Variants in KCNIP4 observed in about 807,000 individuals in gnomAD.
The protein encoded by KCNIP4 is Kv channel-interacting protein 4.
KCNIP4 carries 12 observed loss-of-function variants against 34.0 expected under a neutral mutation model. The observed-to-expected ratio is 0.35, with a 90% CI of 0.23 to 0.57. KCNIP4 has a LOEUF of 0.57. Among genes scored for constraint, KCNIP4 ranks in the 20% least tolerant of loss-of-function variants. The pLI, the probability that KCNIP4 is intolerant of heterozygous loss-of-function variation, is 0.83. For missense variants in KCNIP4, 238 were observed against 311.7 expected, an observed-to-expected ratio of 0.76 and a Z score of 1.78; for synonymous variants, 124 against 102.2, an observed-to-expected ratio of 1.21 and a Z score of -1.29.
At chr4:21,254,305 T>A (rs4324534) in intron 1 of KCNIP4, among the ~76,000 whole-genome samples, 42,240 of 152,028 alleles carry the variant, frequency 0.28, 10,317 homozygotes, top group African/African-American at 0.66. Context: ...ATGCATTGCC[T>A]TCAATCACCA....
chr4:21,352,399 T>C (rs1013838478), intron 1 of KCNIP4, among the ~76,000 whole-genome samples: 2 of 152,296 alleles, frequency 1.3e-5, no homozygotes, highest in Admixed American at 6.5e-5. Flanking sequence ...AGACTGTACC[T>C]GGAAAAATGG....
At chr4:21,132,135 T>C (rs1751115826) in intron 1 of KCNIP4, among the ~76,000 whole-genome samples, 1 of 152,240 alleles carries the variant, frequency 6.6e-6, no homozygotes, top group Non-Finnish European at 1.5e-5. Context: ...AGAATTTTGT[T>C]GCCCTTGTTT....
chr4:21,082,865 T>TTCTTTCTATCTA (rs1553935261), intron 1 of KCNIP4, among the ~76,000 whole-genome samples: 1 of 147,570 alleles, frequency 6.8e-6, no homozygotes, highest in South Asian at 2.2e-4. Context: ...TGCCAGGTTA[T>TTCTTTCTATCTA]TCTATCTATC....
chr4:21,225,016 G>C (rs1758274606), intron 1 of KCNIP4, among the ~76,000 whole-genome samples: 1 of 152,128 alleles, frequency 6.6e-6, no homozygotes, highest in Middle Eastern at 3.2e-3. Context: ...TCTTGCTCTA[G>C]TGTGGGCTAC....
chr4:21,053,483 C>A (rs1743115958), intron 1 of KCNIP4, among the ~76,000 whole-genome samples: 1 of 152,180 alleles, frequency 6.6e-6, no homozygotes, highest in Admixed American at 6.6e-5. Context: ...CTCTCCACTT[C>A]TTTTCAACAT....
intron 1 of KCNIP4, among the ~76,000 whole-genome samples, chr4:21,119,356 C>T (rs1363858486): frequency 1.3e-5 from 2 of 151,120 alleles, no homozygotes; most frequent in Admixed American, 6.6e-5. Flanking sequence ...ACCCCTGTCC[C>T]TTTGCTGGTT....
intron 1 of KCNIP4, among the ~76,000 whole-genome samples, chr4:20,908,319 C>T (rs995974036): frequency 6.6e-6 from 1 of 152,102 alleles, no homozygotes; most frequent in Non-Finnish European, 1.5e-5. Flanking sequence ...AGGCTGGTCT[C>T]GAACTCCTGA....
chr4:21,609,829 T>C (rs1378309944), intron 1 of KCNIP4, among the ~76,000 whole-genome samples: 2 of 152,360 alleles, frequency 1.3e-5, no homozygotes, highest in Admixed American at 1.3e-4. Context: ...CTAAGTACTT[T>C]TGTGGTTATC....
rs1553881372 is a variant in KCNIP4 at position 20,729,350 on chromosome 4, C to CTGTAAGAAAGATTG, written c.*718_*731dup. 2 of 152,078 alleles carry CTGTAAGAAAGATTG rather than the reference C, an allele frequency of 1.3e-5. No individual in the cohort carries two copies. The highest frequency in any genetic ancestry group is 1.9e-4 in the East Asian group (1 of 5,182). The allele number at this position is 152,078 out of a possible 1,614,324, so 9.4% of individuals were successfully genotyped here. A position where few individuals can be genotyped will look rare whatever the true frequency, so the allele number is the denominator to read the frequency against. On this transcript the variant is annotated 3_prime_UTR_variant, in exon 9 of 9. Coordinates refer to ENST00000382152, the MANE Select transcript of KCNIP4 (RefSeq NM_025221.6). Reference sequence around the variant, plus strand: ...AATGATTGATACAATAGAAAACAGCCTGTAAGAAAGATTGAACAAATCCAA... The same window carrying CTGTAAGAAAGATTG: ...AATGATTGATACAATAGAAAACAGCCTGTAAGAAAGATTGTGTAAGAAAGATTGAACAAATCCAA...
At chr4:21,174,119 T>A (rs948509867) in intron 1 of KCNIP4, among the ~76,000 whole-genome samples, 4 of 152,138 alleles carry the variant, frequency 2.6e-5, no homozygotes, top group African/African-American at 9.7e-5. Context: ...GGCTCTGTTG[T>A]CCAGACAATG....
At chr4:20,775,080 C>A (rs1296931701) in intron 3 of KCNIP4, among the ~76,000 whole-genome samples, 1 of 152,132 alleles carries the variant, frequency 6.6e-6, no homozygotes, top group Non-Finnish European at 1.5e-5. Context: ...TATTTAGCGT[C>A]TACTGTGTAT....
At chr4:20,915,962 G>A (rs1253329025) in intron 1 of KCNIP4, among the ~76,000 whole-genome samples, 2 of 152,006 alleles carry the variant, frequency 1.3e-5, no homozygotes, top group African/African-American at 4.8e-5. Context: ...TTTTCAAACT[G>A]CATTCTTACA....
At position 21,711,625 on chromosome 4, in the gene KCNIP4, G is replaced by A. The variant is rs146971844; in HGVS notation, c.61+236946C>T. ...CTTTGAAAAAGAAATACAGATTAACGAAAAACTGATTTCATTAAGAGATAA... is the reference window on the plus strand; with the variant it reads ...CTTTGAAAAAGAAATACAGATTAACAAAAAACTGATTTCATTAAGAGATAA... On this transcript the variant is annotated intron_variant, in intron 1 of 8. Transcript: ENST00000382152. Among the ~76,000 whole-genome samples, 516 of 152,188 alleles carry A rather than the reference G, an allele frequency of 3.4e-3. 1 individual carries two copies. Among genetic ancestry groups the A allele is most frequent in the African/African-American group, 0.012 (499 of 41,542 alleles).
Position 21,742,414 on chromosome 4 carries a change from A to C in KCNIP4, c.61+206157T>G, listed in dbSNP as rs138533800. Among the ~76,000 whole-genome samples the C allele has an allele frequency of 6.8e-4, 103 of 152,320 alleles. 1 individual carries two copies. In the East Asian group the frequency reaches 0.019, roughly 29 times the overall value. ...TCCTGATTGCGATTTAGCTCCCTAC[A>C]TGGATTTTCCATTGTGATTAAAGGA... On this transcript the variant is annotated intron_variant, in intron 1 of 8. Coordinates refer to ENST00000382152, the MANE Select transcript of KCNIP4 (RefSeq NM_025221.6).
intron 1 of KCNIP4, among the ~76,000 whole-genome samples, chr4:21,788,173 A>G (rs1215286710): frequency 6.6e-6 from 1 of 152,208 alleles, no homozygotes; most frequent in Non-Finnish European, 1.5e-5. Flanking sequence ...AGAAGTAGCC[A>G]TATTATTTTC....
intron 1 of KCNIP4, among the ~76,000 whole-genome samples, chr4:21,777,415 A>T (rs1719255756): frequency 6.6e-6 from 1 of 152,216 alleles, no homozygotes; most frequent in Admixed American, 6.5e-5. Flanking sequence ...ATAATCACTA[A>T]AGCACCTTCA....
intron 1 of KCNIP4, among the ~76,000 whole-genome samples, chr4:21,440,061 G>C (rs988010602): frequency 6.6e-6 from 1 of 152,170 alleles, no homozygotes; most frequent in Non-Finnish European, 1.5e-5. Flanking sequence ...CTTATTCTCT[G>C]ACCCAATGAC....
chr4:20,950,642 G>T (rs1732686186), intron 1 of KCNIP4, among the ~76,000 whole-genome samples: 1 of 151,852 alleles, frequency 6.6e-6, no homozygotes, highest in African/African-American at 2.4e-5. Context: ...CCCCTTTGTA[G>T]GTTCACAAAC....
chr4:21,416,304 G>C (rs1165645785), intron 1 of KCNIP4, among the ~76,000 whole-genome samples: 1 of 152,160 alleles, frequency 6.6e-6, no homozygotes, highest in African/African-American at 2.4e-5. Context: ...TTGGTAGAGG[G>C]ATTAGGAGGC....
Sources: gnomAD v4.1 joint callset for allele counts (sites outside exome capture counted in the v4.1 genomes callset) on GRCh38, gnomAD v4.1.1 for gene constraint, MANE v1.5 for transcripts, NCBI Gene and HGNC (gene_info 2026-07-23, HGNC 2026-07-21) for gene names.